Variants in PALS1 observed in about 807,000 individuals in gnomAD.
The protein encoded by PALS1 is protein associated with LIN7 1, MAGUK p55 family member.
A neutral mutation model predicts 78.9 loss-of-function variants in PALS1; 31 were observed. The ratio of observed to expected loss-of-function variants is 0.39; its 90% CI spans 0.30 to 0.53. The LOEUF (loss-of-function observed/expected upper bound fraction) is 0.53. Ranked by LOEUF, PALS1 falls within the 20% of genes least tolerant of loss-of-function variation. PALS1 has a pLI of 0.67. For missense variants in PALS1, 704 were observed against 826.5 expected, an observed-to-expected ratio of 0.85 and a Z score of 1.82; for synonymous variants, 276 against 270.9, an observed-to-expected ratio of 1.02 and a Z score of -0.18.
At chr14:67,329,268 G>C (rs2085404564) in intron 14 of PALS1, among the ~76,000 whole-genome samples, 1 of 151,972 alleles carries the variant, frequency 6.6e-6, no homozygotes, top group Admixed American at 6.6e-5. Context: ...TCATGATTTG[G>C]CTCTCTCTTT....
chr14:67,307,551 A>G (rs2085022815), intron 8 of PALS1, among the ~76,000 whole-genome samples: 1 of 152,212 alleles, frequency 6.6e-6, no homozygotes, highest in Admixed American at 6.5e-5. Flanking sequence ...AAAAGTTGAG[A>G]ACCACTGCTA....
chr14:67,324,117 G>A (rs1156876609), intron 14 of PALS1, among the ~76,000 whole-genome samples: 3 of 152,096 alleles, frequency 2.0e-5, no homozygotes, highest in African/African-American at 7.2e-5. Flanking sequence ...ACTTTTCTCT[G>A]TAGATACTCC....
chr14:67,295,078 A>T (rs2084826934), intron 4 of PALS1: 1 of 150,718 alleles, frequency 6.6e-6, no homozygotes, highest in Non-Finnish European at 1.5e-5. Flanking sequence ...CGCGCTGAGA[A>T]ATGGTATTTG....
chr14:67,256,622 A>T lies in PALS1; in HGVS notation c.-236-13079A>T, dbSNP rs542805297. ...GAGTGCAGTGGTGTGATCTTGGCTC[A>T]TTGCAACCTTAGCCTCCCAGATTCA... On this transcript the variant is annotated intron_variant, in intron 1 of 14. Transcript: ENST00000261681. Among the ~76,000 whole-genome samples, 262 of 152,164 alleles carry T rather than the reference A, an allele frequency of 1.7e-3. 5 individuals are homozygous for T. Among genetic ancestry groups the T allele is most frequent in the East Asian group, 7.9e-3 (41 of 5,184 alleles).
intron 3 of PALS1, among the ~76,000 whole-genome samples, chr14:67,286,194 C>T (rs549103604): frequency 2.0e-5 from 3 of 152,284 alleles, no homozygotes; most frequent in East Asian, 3.9e-4. Flanking sequence ...GCCTCCATCC[C>T]GCCTTAGTAC....
At chr14:67,280,845 TTCCTTCCTTCCCTCCC>T (rs1394994199) in intron 3 of PALS1, among the ~76,000 whole-genome samples, 2 of 113,320 alleles carry the variant, frequency 1.8e-5, no homozygotes, top group African/African-American at 4.3e-5. Context: ...CCTTCCTTCC[TTCCTTCCTTCCCTCCC>T]TCCCTCCCTC....
At chr14:67,276,556 G>C (rs1360283961) in intron 2 of PALS1, among the ~76,000 whole-genome samples, 1 of 152,150 alleles carries the variant, frequency 6.6e-6, no homozygotes, top group Non-Finnish European at 1.5e-5. Flanking sequence ...CTTATGATAT[G>C]TATTAGGCTA....
At chr14:67,289,264 C>T (rs1054200294) in intron 3 of PALS1, among the ~76,000 whole-genome samples, 1 of 151,880 alleles carries the variant, frequency 6.6e-6, no homozygotes, top group Non-Finnish European at 1.5e-5. Flanking sequence ...CACCATCGCA[C>T]GTGGCTGGCT....
At chr14:67,299,857 T>G (rs2084908650) in intron 4 of PALS1, among the ~76,000 whole-genome samples, 1 of 152,216 alleles carries the variant, frequency 6.6e-6, no homozygotes, top group Non-Finnish European at 1.5e-5. Flanking sequence ...TGTATACCCT[T>G]GGTACATTTT....
chr14:67,329,321 T>G (rs1192341192), intron 14 of PALS1, among the ~76,000 whole-genome samples: 3 of 152,234 alleles, frequency 2.0e-5, no homozygotes, highest in Non-Finnish European at 2.9e-5. Context: ...TTCTGCACAT[T>G]GATTTTGTAT....
intron 3 of PALS1, among the ~76,000 whole-genome samples, chr14:67,288,377 C>T (rs1194061022): frequency 2.0e-5 from 3 of 152,078 alleles, no homozygotes; most frequent in Admixed American, 2.0e-4. Flanking sequence ...CCACCGCACC[C>T]AGCCATGAGA....
At chr14:67,322,569 T>C (rs988109744) in intron 13 of PALS1, among the ~76,000 whole-genome samples, 3 of 152,156 alleles carry the variant, frequency 2.0e-5, no homozygotes, top group South Asian at 2.1e-4. Flanking sequence ...TATTCTAAAA[T>C]AGTAATTAGG....
At chr14:67,266,990 C>T (rs955890071) in intron 1 of PALS1, among the ~76,000 whole-genome samples, 12 of 151,734 alleles carry the variant, frequency 7.9e-5, no homozygotes, top group Non-Finnish European at 1.5e-4. Flanking sequence ...ATTCCTGTAC[C>T]CACCTACTCA....
intron 1 of PALS1, among the ~76,000 whole-genome samples, chr14:67,261,769 T>G (rs964925476): frequency 9.0e-6 from 1 of 111,386 alleles, no homozygotes; most frequent in Non-Finnish European, 1.6e-5. Flanking sequence ...GTAAACTGAG[T>G]TTTTTTTAGG....
At chr14:67,324,613 C>T (rs139973228) in intron 14 of PALS1, among the ~76,000 whole-genome samples, 162 of 152,090 alleles carry the variant, frequency 1.1e-3, no homozygotes, top group African/African-American at 3.7e-3. Flanking sequence ...GAAATAGGGT[C>T]TTACTCTATT....
intron 3 of PALS1, among the ~76,000 whole-genome samples, chr14:67,283,442 GTT>G (rs1046478311): frequency 1.3e-5 from 2 of 152,118 alleles, no homozygotes; most frequent in African/African-American, 4.8e-5. Context: ...TTAAGATAAA[GTT>G]TATTTCAAGC....
Position 67,292,615 on chromosome 14 carries a change from G to GAGA in PALS1, c.473_474insGAA (p.Asp158delinsGluAsn). 6.2e-7 allele frequency: 1 copy of GAGA among 1,613,572 alleles called. No homozygotes were observed. The highest frequency in any genetic ancestry group is 8.5e-7 in the Non-Finnish European group (1 of 1,179,712). ...GCTTTTACAACTTGTTCAAAATAAG[G>GAGA]ATTTCCAGAATGCATTTAAGATACA... On this transcript the variant is annotated protein_altering_variant, in exon 4 of 15. Transcript: ENST00000261681.
At chr14:67,286,200 A>G (rs1199749238) in intron 3 of PALS1, among the ~76,000 whole-genome samples, 1 of 152,168 alleles carries the variant, frequency 6.6e-6, no homozygotes, top group Non-Finnish European at 1.5e-5. Flanking sequence ...ATCCCGCCTT[A>G]GTACTTACTT....
intron 3 of PALS1, among the ~76,000 whole-genome samples, chr14:67,280,352 A>G (rs1047209792): frequency 2.0e-5 from 3 of 152,184 alleles, no homozygotes; most frequent in Non-Finnish European, 4.4e-5. Flanking sequence ...GTGGTTTGCT[A>G]TTTTTTAGGT....
Sources: gnomAD v4.1 joint callset for allele counts (sites outside exome capture counted in the v4.1 genomes callset) on GRCh38, gnomAD v4.1.1 for gene constraint, MANE v1.5 for transcripts, NCBI Gene and HGNC (gene_info 2026-07-23, HGNC 2026-07-21) for gene names.